Variants in CHD1 observed in about 807,000 individuals in gnomAD.
CHD1 encodes the protein ATP-dependent chromatin remodeler CHD1.
CHD1 carries 36 observed loss-of-function variants against 224.2 expected under a neutral mutation model. The observed-to-expected ratio is 0.16, with a 90% CI of 0.12 to 0.21. The LOEUF (loss-of-function observed/expected upper bound fraction) is 0.21. Ranked by LOEUF, CHD1 falls within the 10% of genes least tolerant of loss-of-function variation. The probability of loss-of-function intolerance (pLI) is 1.00; values close to 1 mark genes in which losing one functional copy is unlikely to be tolerated. For missense variants in CHD1, 1,378 were observed against 1,994.8 expected, an observed-to-expected ratio of 0.69 and a Z score of 5.89; for synonymous variants, 668 against 658.3, an observed-to-expected ratio of 1.01 and a Z score of -0.23.
At chr5:98,858,115 AG>A (rs1561473174) in intron 35 of CHD1, 64 bp downstream of exon 35, 1 of 1,277,224 alleles carries the variant, frequency 7.8e-7, no homozygotes, top group Non-Finnish European at 1.1e-6. Flanking sequence ...GGTCAAATAC[AG>A]GAACATCATG....
rs1428194305 is a variant in CHD1, at chr5:98,855,112, T to C, written c.*1268A>G. 5.9e-5 allele frequency: 9 copies of C among 152,370 alleles called. No homozygotes were observed. Among genetic ancestry groups the C allele is most frequent in the African/African-American group, 1.9e-4 (8 of 41,404 alleles). The allele number at this position is 152,370 out of a possible 1,614,324, so 9.4% of individuals were successfully genotyped here. A position where few individuals can be genotyped will look rare whatever the true frequency, so the allele number is the denominator to read the frequency against. On this transcript the variant is annotated 3_prime_UTR_variant, in exon 36 of 36. Coordinates refer to ENST00000614616, the MANE Select transcript of CHD1 (RefSeq NM_001270.4). ...CAAAATACTTTTTCTGGCAGCAAAA[T>C]GTTACTTAAAAACGGGGGTAGGGGG...
chr5:98,889,241 T>TAAA lies in CHD1; in HGVS notation c.2181-6_2181-4dup. 1.5e-6 allele frequency: 2 copies of TAAA among 1,328,046 alleles called. No individual in the cohort carries two copies. The highest frequency in any genetic ancestry group is 3.0e-5 in the South Asian group (2 of 67,322). 82.3% of individuals were successfully genotyped at this position (1,328,046 alleles called of 1,614,324 possible). A position where few individuals can be genotyped will look rare whatever the true frequency, so the allele number is the denominator to read the frequency against. ...TGTAATTCCTAGTTAAAATCCATCT[T>TAAA]AAAAAAAAAAATTATGAAAACGATG... On this transcript the variant is annotated splice_region_variant and splice_polypyrimidine_tract_variant and intron_variant, in intron 15 of 35. Coordinates refer to ENST00000614616, the MANE Select transcript of CHD1 (RefSeq NM_001270.4).
intron 31 of CHD1, among the ~76,000 whole-genome samples, chr5:98,867,049 T>C (rs933830013): frequency 5.3e-5 from 8 of 152,200 alleles, no homozygotes; most frequent in African/African-American, 9.6e-5. Context: ...TCATACTTAC[T>C]TACCAAATAG....
At chr5:98,918,801 T>C (rs1330067945) in intron 2 of CHD1, among the ~76,000 whole-genome samples, 4 of 151,574 alleles carry the variant, frequency 2.6e-5, no homozygotes. Context: ...AACACCCTTC[T>C]GAATATATAT....
intron 21 of CHD1, 51 bp from the exon 22 acceptor site, chr5:98,881,222 C>G (rs1359044413): frequency 3.4e-6 from 4 of 1,160,180 alleles, no homozygotes; most frequent in East Asian, 5.3e-5. Flanking sequence ...TTCATCCTGT[C>G]AAATATATGA....
In CHD1 at chr5:98,872,021, T is replaced by C. The variant is rs777323283; in HGVS notation, c.3861+30A>G. The C allele has an allele frequency of 1.6e-5, 25 of 1,537,610 alleles. 1 individual carries two copies. The South Asian group carries it at 1.8e-4, about 11-fold the overall frequency. On this transcript the variant is annotated intron_variant, in intron 28 of 35. Transcript: ENST00000614616. Reference sequence around the variant, plus strand: ...TAGAATAAATTAAATTCAACATGAATGGTTAACAGAATCAGAAATAGATAA... The same window carrying C: ...TAGAATAAATTAAATTCAACATGAACGGTTAACAGAATCAGAAATAGATAA...
chr5:98,859,251 G>T lies in CHD1; in HGVS notation c.4525-236C>A, dbSNP rs543217774. On this transcript the variant is annotated intron_variant, in intron 33 of 35. Coordinates refer to ENST00000614616, the MANE Select transcript of CHD1 (RefSeq NM_001270.4). ...TGAAATAAATTGACTTAACAGAAAG[G>T]TTGCAAAAATACTGAGTTCCCTTCA... Among the ~76,000 whole-genome samples the T allele has an allele frequency of 2.0e-5, 3 of 152,158 alleles. No individual in the cohort carries two copies. The East Asian group carries it at 5.8e-4, about 29-fold the overall frequency.
At chr5:98,886,563 A>C (rs1387815718) in intron 17 of CHD1, among the ~76,000 whole-genome samples, 1 of 152,170 alleles carries the variant, frequency 6.6e-6, no homozygotes, top group Admixed American at 6.6e-5. Flanking sequence ...TAACCGACGA[A>C]TTAAACTAGT....
At position 98,884,805 on chromosome 5, in the gene CHD1, C is replaced by T. The variant is rs575593854; in HGVS notation, c.2568+773G>A. Among the ~76,000 whole-genome samples the T allele has an allele frequency of 9.9e-5, 15 of 151,594 alleles. No homozygotes were observed. The South Asian group carries it at 3.1e-3, about 32-fold the overall frequency. On this transcript the variant is annotated intron_variant, in intron 18 of 35. Coordinates refer to ENST00000614616, the MANE Select transcript of CHD1 (RefSeq NM_001270.4). ...GATCATGGCTCACCGCAGCCTCAAA[C>T]TCCTGAGCTAAGTGATCCACTCAAC... is the stretch of plus-strand genomic sequence containing the variant.
intron 2 of CHD1, among the ~76,000 whole-genome samples, chr5:98,910,840 T>C (rs1029323528): frequency 6.6e-5 from 10 of 152,046 alleles, no homozygotes; most frequent in African/African-American, 2.4e-4. Context: ...CTCAAGGATG[T>C]ACATGTTGTT....
intron 2 of CHD1, among the ~76,000 whole-genome samples, chr5:98,910,002 T>G (rs1258475737): frequency 6.6e-6 from 1 of 152,132 alleles, no homozygotes; most frequent in Admixed American, 6.6e-5. Context: ...AACCCAGCCA[T>G]TTTATCAAAA....
chr5:98,902,556 A>G (rs1169471319), intron 5 of CHD1, among the ~76,000 whole-genome samples: 2 of 152,048 alleles, frequency 1.3e-5, no homozygotes, highest in African/African-American at 2.4e-5. Flanking sequence ...TAATATAATT[A>G]TAAGAACCAT....
intron 26 of CHD1, among the ~76,000 whole-genome samples, chr5:98,873,106 G>A (rs1037365087): frequency 1.1e-4 from 16 of 152,092 alleles, no homozygotes; most frequent in African/African-American, 3.9e-4. Context: ...AGGATTACAG[G>A]TGTGAGCCAC....
At chr5:98,904,814 T>A in intron 3 of CHD1, 83 bp downstream of exon 3, 1 of 1,197,422 alleles carries the variant, frequency 8.4e-7, no homozygotes, top group Non-Finnish European at 1.2e-6. Context: ...AAAAGCTAGA[T>A]TAAGAATGGT....
At chr5:98,922,507 T>C (rs1201061466) in intron 2 of CHD1, among the ~76,000 whole-genome samples, 1 of 152,170 alleles carries the variant, frequency 6.6e-6, no homozygotes, top group African/African-American at 2.4e-5. Flanking sequence ...GAAAGCTAAC[T>C]GTAACCTGCA....
chr5:98,916,361 C>G (rs1036921840), intron 2 of CHD1, among the ~76,000 whole-genome samples: 1 of 151,428 alleles, frequency 6.6e-6, no homozygotes, highest in East Asian at 1.9e-4. Context: ...GCCTGACCAC[C>G]ATGGAGAAAT....
chr5:98,895,226 T>C (rs1751267505), intron 12 of CHD1, among the ~76,000 whole-genome samples: 1 of 152,044 alleles, frequency 6.6e-6, no homozygotes, highest in South Asian at 2.1e-4. Flanking sequence ...TTAAAGCACA[T>C]CTTTCACAAA....
At chr5:98,905,653 T>TA (rs1561534171) in intron 2 of CHD1, among the ~76,000 whole-genome samples, 1 of 152,218 alleles carries the variant, frequency 6.6e-6, no homozygotes, top group Non-Finnish European at 1.5e-5. Flanking sequence ...TAATTTATTT[T>TA]AAAAAATCAG....
rs1417155331 is a variant in CHD1, at chr5:98,873,713, T to C, written c.3451A>G (p.Ile1151Val). ...FGGPLERLDA[I>V]ARDAELVDKS... ...TCAACTAACTCAGCATCTCGAGCAATTGCATCTAATCTGTAACAAAATAAT... is the reference window on the plus strand; with the variant it reads ...TCAACTAACTCAGCATCTCGAGCAACTGCATCTAATCTGTAACAAAATAAT... Residue 1151 changes from isoleucine to valine, a missense_variant, in exon 26 of 36, where the codon ATT becomes GTT. By Grantham distance (29) the Ile-to-Val change is conservative. Coordinates refer to ENST00000614616, the MANE Select transcript of CHD1 (RefSeq NM_001270.4). The C allele has an allele frequency of 1.9e-6, 3 of 1,606,732 alleles. No homozygotes were observed. The highest frequency in any genetic ancestry group is 1.1e-5 in the South Asian group (1 of 89,028).
Sources: gnomAD v4.1 joint callset for allele counts (sites outside exome capture counted in the v4.1 genomes callset) on GRCh38, gnomAD v4.1.1 for gene constraint, MANE v1.5 for transcripts, NCBI Gene and HGNC (gene_info 2026-07-23, HGNC 2026-07-21) for gene names.